UNC5C: variants seen among roughly 807,000 people sequenced by gnomAD.
The protein encoded by UNC5C is unc-5 netrin receptor C.
UNC5C carries 47 observed loss-of-function variants against 99.8 expected under a neutral mutation model. That is an observed-to-expected ratio of 0.47 (90% CI 0.37 to 0.60). The LOEUF (loss-of-function observed/expected upper bound fraction) is 0.60, where lower values mean the gene tolerates loss of function less well. Among genes scored for constraint, UNC5C ranks in the 20% least tolerant of loss-of-function variants. The probability of loss-of-function intolerance (pLI) is 0.00; values close to 1 mark genes in which losing one functional copy is unlikely to be tolerated. For synonymous variants in UNC5C, 487 were observed against 452.2 expected, an observed-to-expected ratio of 1.08 and a Z score of -0.98; for missense variants, 1,062 against 1,165.9, an observed-to-expected ratio of 0.91 and a Z score of 1.30.
At position 95,220,054 on chromosome 4, in the gene UNC5C, A is replaced by T. The variant is rs776491788; in HGVS notation, c.1231T>A (p.Ser411Thr). ...VYRKNHRDFE[S>T]DIIDSSALNG... ...AGTGCCGAAGAGTCAATAATATCTG[A>T]CTCAAAGTCACGATGATTCTTCCGA... The change falls in exon 8 of 16, where the codon TCA (serine) becomes ACA (threonine). Residue 411 changes from serine to threonine, a missense_variant. This residue lies in a region of UNC5C where 810 missense variants were observed against 854.5 expected (regional missense o/e 0.95). Coordinates refer to ENST00000453304, the MANE Select transcript of UNC5C (RefSeq NM_003728.4). 6.2e-7 allele frequency: 1 copy of T among 1,614,070 alleles called. No individual in the cohort carries two copies. The highest frequency in any genetic ancestry group is 1.1e-5 in the South Asian group (1 of 91,078).
At chr4:95,172,557 C>T (rs78900737) in intron 14 of UNC5C, among the ~76,000 whole-genome samples, 39,141 of 150,794 alleles carry the variant, frequency 0.26, 6,169 homozygotes, top group South Asian at 0.38. Context: ...TGTAGATATG[C>T]GGCGTTATTT....
chr4:95,377,216 T>C (rs990892618), intron 1 of UNC5C, among the ~76,000 whole-genome samples: 2 of 152,194 alleles, frequency 1.3e-5, no homozygotes, highest in East Asian at 1.9e-4. Context: ...TTTTCAATTT[T>C]CTGCTTTGTA....
intron 1 of UNC5C, among the ~76,000 whole-genome samples, chr4:95,544,496 C>T (rs1723008470): frequency 6.6e-6 from 1 of 152,150 alleles, no homozygotes; most frequent in Non-Finnish European, 1.5e-5. Context: ...TGTCTGAATC[C>T]AGAAAGTACT....
intron 7 of UNC5C, among the ~76,000 whole-genome samples, chr4:95,229,059 A>C: frequency 6.6e-6 from 1 of 152,228 alleles, no homozygotes; most frequent in East Asian, 1.9e-4. Context: ...ATTTCCCTCA[A>C]AAATGATGCC....
At chr4:95,523,885 C>CA (rs1193584476) in intron 1 of UNC5C, among the ~76,000 whole-genome samples, 2 of 151,892 alleles carry the variant, frequency 1.3e-5, no homozygotes, top group African/African-American at 4.8e-5. Context: ...AAAAGGTTCA[C>CA]AAATAATTTA....
intron 1 of UNC5C, among the ~76,000 whole-genome samples, chr4:95,539,343 G>A (rs1252615567): frequency 6.6e-6 from 1 of 152,172 alleles, no homozygotes; most frequent in African/African-American, 2.4e-5. Flanking sequence ...GATGACAGGA[G>A]AGAACTTGTT....
At chr4:95,503,747 G>A (rs1721838448) in intron 1 of UNC5C, among the ~76,000 whole-genome samples, 1 of 151,920 alleles carries the variant, frequency 6.6e-6, no homozygotes, top group Non-Finnish European at 1.5e-5. Flanking sequence ...AAACCATTTA[G>A]CCAACTCTTT....
intron 1 of UNC5C, among the ~76,000 whole-genome samples, chr4:95,439,217 C>A (rs1746877980): frequency 6.6e-6 from 1 of 152,062 alleles, no homozygotes; most frequent in Non-Finnish European, 1.5e-5. Flanking sequence ...CTGGCCCCAA[C>A]AAATACAGAT....
intron 10 of UNC5C, among the ~76,000 whole-genome samples, chr4:95,212,811 C>T (rs1738118391): frequency 6.6e-6 from 1 of 152,178 alleles, no homozygotes; most frequent in Non-Finnish European, 1.5e-5. Context: ...TGTTCTGCCC[C>T]TCCTTTGCAA....
chr4:95,190,775 C>T (rs1433250855), intron 12 of UNC5C, among the ~76,000 whole-genome samples: 3 of 152,184 alleles, frequency 2.0e-5, no homozygotes, highest in Non-Finnish European at 4.4e-5. Flanking sequence ...CCAGCGTCCG[C>T]CAGGGATCTG....
intron 4 of UNC5C, among the ~76,000 whole-genome samples, chr4:95,268,591 C>T (rs916557167): frequency 1.3e-5 from 2 of 152,162 alleles, no homozygotes; most frequent in African/African-American, 4.8e-5. Context: ...GAGAGCAAAA[C>T]ATCTTGCAGT....
At chr4:95,311,716 T>C (rs1216002366) in intron 2 of UNC5C, among the ~76,000 whole-genome samples, 1 of 152,192 alleles carries the variant, frequency 6.6e-6, no homozygotes, top group Admixed American at 6.5e-5. Context: ...ACAAGAACTT[T>C]TCTTTTCCAT....
At chr4:95,392,206 A>G (rs1434376912) in intron 1 of UNC5C, among the ~76,000 whole-genome samples, 1 of 152,150 alleles carries the variant, frequency 6.6e-6, no homozygotes, top group Non-Finnish European at 1.5e-5. Flanking sequence ...AAGCAAGGAT[A>G]ACTCCCTTCA....
At chr4:95,437,436 A>C (rs2149462299) in intron 1 of UNC5C, among the ~76,000 whole-genome samples, 1 of 152,056 alleles carries the variant, frequency 6.6e-6, no homozygotes, top group South Asian at 2.1e-4. Flanking sequence ...TAAATGAGAA[A>C]AAAAGCTTTT....
At chr4:95,343,040 A>G (rs1051526710) in intron 1 of UNC5C, among the ~76,000 whole-genome samples, 1 of 152,070 alleles carries the variant, frequency 6.6e-6, no homozygotes, top group African/African-American at 2.4e-5. Context: ...TTCTGACTCC[A>G]GGCCTTGGCT....
intron 1 of UNC5C, among the ~76,000 whole-genome samples, chr4:95,445,172 A>G (rs28504039): frequency 0.31 from 47,326 of 151,988 alleles, 8,964 homozygotes; most frequent in African/African-American, 0.54. Context: ...TAACAAATAT[A>G]TATCAATTTT....
At chr4:95,179,894 T>TAATTTTTGTTTATA (rs1259587225) in intron 14 of UNC5C, among the ~76,000 whole-genome samples, 4 of 152,108 alleles carry the variant, frequency 2.6e-5, no homozygotes, top group Non-Finnish European at 4.4e-5. Context: ...CTCTGGGAGC[T>TAATTTTTGTTTATA]AATTTTTGTT....
chr4:95,429,338 C>G (rs1345741084), intron 1 of UNC5C, among the ~76,000 whole-genome samples: 6 of 150,982 alleles, frequency 4.0e-5, no homozygotes, highest in Non-Finnish European at 8.8e-5. Context: ...ATTTTACCAT[C>G]CAATCATACA....
intron 1 of UNC5C, among the ~76,000 whole-genome samples, chr4:95,515,976 T>C (rs1722207857): frequency 1.3e-5 from 2 of 152,342 alleles, no homozygotes; most frequent in African/African-American, 4.8e-5. Flanking sequence ...TGTGCATGTA[T>C]GTATGAATAT....
Sources: gnomAD v4.1 joint callset for allele counts (sites outside exome capture counted in the v4.1 genomes callset) on GRCh38, gnomAD v4.1.1 for gene constraint, gnomAD v4.1.1 regional missense constraint, MANE v1.5 for transcripts, NCBI Gene and HGNC (gene_info 2026-07-23, HGNC 2026-07-21) for gene names.